Variants in ABCA12 observed in about 807,000 individuals in gnomAD.
ABCA12 encodes glucosylceramide transporter ABCA12.
ABCA12 carries 156 observed loss-of-function variants against 293.5 expected under a neutral mutation model. That is an observed-to-expected ratio of 0.53 (90% confidence interval 0.47 to 0.61). The LOEUF is 0.61. Among genes scored for constraint, ABCA12 ranks in the 20% least tolerant of loss-of-function variants. ABCA12 has a pLI of 0.00. For synonymous variants in ABCA12, 1,063 were observed against 1,108.0 expected, an observed-to-expected ratio of 0.96 and a Z score of 0.81; for missense variants, 2,797 against 3,090.2, an observed-to-expected ratio of 0.91 and a Z score of 2.25.
chr2:215,008,045 A>G (rs1465793550), intron 18 of ABCA12, among the ~76,000 whole-genome samples, 199 bp from the exon 19 acceptor site: 1 of 152,216 alleles, frequency 6.6e-6, no homozygotes, highest in Non-Finnish European at 1.5e-5. Flanking sequence ...TCATTTATAA[A>G]AATTCTGGAT....
chr2:214,978,778 GA>G, intron 32 of ABCA12, 25 bp downstream of exon 32: 2 of 1,604,336 alleles, frequency 1.2e-6, no homozygotes, highest in South Asian at 1.1e-5. Context: ...TCAGCTTGAA[GA>G]AAAAAAAGAA....
At position 215,004,306 on chromosome 2, in the gene ABCA12, A is replaced by C. The variant is rs1700208018; in HGVS notation, c.2593-7T>G. Reference sequence around the variant, plus strand: ...AAGGGTTCCTTAGAGTATTCTAACAAATAATAATTAAAAATCAGTTTCAAT... The same window carrying C: ...AAGGGTTCCTTAGAGTATTCTAACACATAATAATTAAAAATCAGTTTCAAT... On this transcript the variant is annotated splice_region_variant and splice_polypyrimidine_tract_variant and intron_variant, in intron 19 of 52. Transcript: ENST00000272895. 6.3e-7 allele frequency: 1 copy of C among 1,598,802 alleles called. No individual in the cohort carries two copies. Among genetic ancestry groups the C allele is most frequent in the South Asian group, 1.1e-5 (1 of 90,566 alleles).
chr2:215,011,596 G>A lies in ABCA12; in HGVS notation c.2175C>T (p.Ile725=), dbSNP rs1197849344. 6.2e-7 allele frequency: 1 copy of A among 1,614,090 alleles called. No homozygotes were observed. The highest frequency in any genetic ancestry group is 2.2e-5 in the East Asian group (1 of 44,862). ...TTCCTTGAGAACATAATGCTTGGGA[G>A]ATGGTGCTAAATGATCCTTGTGGTG... ...MNTPQGSFST[I]SQALCSQGIT... The change falls in exon 17 of 53, where the codon ATC becomes ATT. Residue 725 remains isoleucine (I), a synonymous_variant. Coordinates refer to ENST00000272895, the MANE Select transcript of ABCA12 (RefSeq NM_173076.3).
chr2:214,964,152 A>T (rs1319540893), intron 39 of ABCA12, among the ~76,000 whole-genome samples: 2 of 152,140 alleles, frequency 1.3e-5, no homozygotes. Context: ...ATCTCCATAG[A>T]CGCGGATAAG....
Position 215,007,772 on chromosome 2 carries a change from GA to G in ABCA12, c.2546del (p.Phe849SerfsTer2). 6.2e-7 allele frequency: 1 copy of G among 1,614,036 alleles called. No homozygotes were observed. The highest frequency in any genetic ancestry group is 1.1e-5 in the South Asian group (1 of 91,070). ...GGTTTAACAGATGGAAGGAATTCATGAAAAGTGGCGACTTATCCATCCACTC... is the reference window on the plus strand; with the variant it reads ...GGTTTAACAGATGGAAGGAATTCATGAAAGTGGCGACTTATCCATCCACTC... ...SQEWMDKSPL[F>X]MNSFHLLNQA... On this transcript the variant is annotated frameshift_variant, in exon 19 of 53. Transcript: ENST00000272895. LOFTEE classifies it high-confidence loss of function.
At chr2:215,015,740 A>G (rs1700479979) in intron 14 of ABCA12, 77 bp from the exon 15 acceptor site, 2 of 1,386,490 alleles carry the variant, frequency 1.4e-6, no homozygotes, top group Admixed American at 1.7e-5. Flanking sequence ...GGTTTTCTGT[A>G]TACTCTAAAT....
At chr2:215,002,873 C>T (rs1700173317) in intron 20 of ABCA12, among the ~76,000 whole-genome samples, 1 of 152,170 alleles carries the variant, frequency 6.6e-6, no homozygotes, top group African/African-American at 2.4e-5. Flanking sequence ...CTCAGTGCTA[C>T]GTTCATTTTA....
At chr2:215,116,947 GTAATTC>G (rs1425137120) in intron 1 of ABCA12, among the ~76,000 whole-genome samples, 1 of 152,156 alleles carries the variant, frequency 6.6e-6, no homozygotes, top group Non-Finnish European at 1.5e-5. Flanking sequence ...GATGCAGCAG[GTAATTC>G]TAAACTGGAT....
chr2:215,057,442 C>T (rs1432783305), intron 3 of ABCA12, among the ~76,000 whole-genome samples: 1 of 151,974 alleles, frequency 6.6e-6, no homozygotes, highest in Admixed American at 6.6e-5. Flanking sequence ...CCTTTAGAAT[C>T]CTAGAAACTT....
intron 17 of ABCA12, 122 bp from the exon 18 acceptor site, chr2:215,010,592 T>C: frequency 8.9e-7 from 1 of 1,128,136 alleles, no homozygotes; most frequent in African/African-American, 1.5e-5. Context: ...ACTTCCTATA[T>C]TATTAACAGA....
intron 49 of ABCA12, among the ~76,000 whole-genome samples, chr2:214,944,208 T>C (rs1698501542): frequency 6.6e-6 from 1 of 151,944 alleles, no homozygotes; most frequent in Non-Finnish European, 1.5e-5. Context: ...GGTCAGGAAT[T>C]TGAGACCAGC....
chr2:215,134,540 ATATATACGTATATG>A (rs1314990106), intron 1 of ABCA12, among the ~76,000 whole-genome samples: 1 of 126,926 alleles, frequency 7.9e-6, no homozygotes, highest in Non-Finnish European at 1.6e-5. Context: ...ATATATGTAC[ATATATACGTATATG>A]TATATATGTG....
chr2:215,001,841 T>C, intron 20 of ABCA12, 104 bp from the exon 21 acceptor site: 1 of 1,023,908 alleles, frequency 9.8e-7, no homozygotes, highest in Non-Finnish European at 1.4e-6. Flanking sequence ...AGATTATAAA[T>C]AACAAAAGCC....
At chr2:214,937,136 C>T (rs1439089078) in intron 51 of ABCA12, among the ~76,000 whole-genome samples, 1 of 152,162 alleles carries the variant, frequency 6.6e-6, no homozygotes, top group South Asian at 2.1e-4. Flanking sequence ...ACATTACCAT[C>T]AAAACTAGTG....
At chr2:214,972,686 G>C (rs1333835023) in intron 36 of ABCA12, among the ~76,000 whole-genome samples, 1 of 152,116 alleles carries the variant, frequency 6.6e-6, no homozygotes, top group East Asian at 1.9e-4. Context: ...ACAGGCATGA[G>C]CCACTGCACC....
chr2:214,970,188 G>T, intron 37 of ABCA12, 85 bp downstream of exon 37: 1 of 1,361,502 alleles, frequency 7.3e-7, no homozygotes, highest in South Asian at 1.5e-5. Flanking sequence ...GTAAACAATA[G>T]AAATTTGTAT....
At chr2:214,954,301 A>C (rs1698873352) in intron 43 of ABCA12, among the ~76,000 whole-genome samples, 194 bp from the exon 44 acceptor site, 1 of 152,136 alleles carries the variant, frequency 6.6e-6, no homozygotes, top group African/African-American at 2.4e-5. Context: ...ACTGAAATAC[A>C]AGCAGAAAAT....
At position 214,959,012 on chromosome 2, in the gene ABCA12, A is replaced by G. The variant is rs766563230; in HGVS notation, c.5939+12T>C. 1.9e-6 allele frequency: 3 copies of G among 1,612,958 alleles called. No individual in the cohort carries two copies. Among genetic ancestry groups the G allele is most frequent in the African/African-American group, 1.3e-5 (1 of 74,892 alleles). ...CAAGGAGAAAGTAGTCATGCTAGAGATATCTGCTTACGTGGCTTGTTCTTG... is the reference window on the plus strand; with the variant it reads ...CAAGGAGAAAGTAGTCATGCTAGAGGTATCTGCTTACGTGGCTTGTTCTTG... On this transcript the variant is annotated intron_variant, in intron 40 of 52. Transcript: ENST00000272895.
At chr2:214,968,932 A>G in intron 37 of ABCA12, 125 bp from the exon 38 acceptor site, 1 of 740,394 alleles carries the variant, frequency 1.4e-6, no homozygotes, top group Non-Finnish European at 2.3e-6. Context: ...GTATAAAATG[A>G]ATACTTCCTG....
Sources: gnomAD v4.1 joint callset for allele counts (sites outside exome capture counted in the v4.1 genomes callset) on GRCh38, gnomAD v4.1.1 for gene constraint, MANE v1.5 for transcripts, NCBI Gene and HGNC (gene_info 2026-07-23, HGNC 2026-07-21) for gene names.